NDUFAF6: variants seen among roughly 807,000 people sequenced by gnomAD.
NDUFAF6 encodes the protein NADH:ubiquinone oxidoreductase complex assembly factor 6.
In NDUFAF6, 45 loss-of-function variants were observed where a neutral mutation model predicts 40.8. The observed-to-expected ratio is 1.10, with a 90% CI of 0.87 to 1.42. The LOEUF is 1.42. Among genes scored for constraint, NDUFAF6 ranks in the 40% most tolerant of loss-of-function variants. The pLI is 0.00. For missense variants in NDUFAF6, 435 were observed against 418.5 expected (o/e 1.04, Z -0.34); for synonymous variants, 185 against 155.9 (o/e 1.19, Z -1.39).
At chr8:95,032,362 G>T (rs1475734973) in intron 2 of NDUFAF6, among the ~76,000 whole-genome samples, 1 of 152,086 alleles carries the variant, frequency 6.6e-6, no homozygotes, top group Non-Finnish European at 1.5e-5. Flanking sequence ...CATTAACATT[G>T]CACATTTGTC....
rs189019349 is a variant in NDUFAF6, at chr8:95,028,506, A to T, written c.197+3301A>T. Among the ~76,000 whole-genome samples, 449 of 152,324 alleles carry T rather than the reference A, an allele frequency of 2.9e-3. 3 individuals carry two copies. The highest frequency in any genetic ancestry group is 4.0e-3 in the Non-Finnish European group (275 of 68,032). On this transcript the variant is annotated intron_variant, in intron 1 of 8. Coordinates refer to ENST00000396124, the MANE Select transcript of NDUFAF6 (RefSeq NM_152416.4). ...GGTAATATTGTTTAGAAAAATTTCC[A>T]TCCAAAATTTAAAAATATATTTAAT...
intron 9 of NDUFAF6, among the ~76,000 whole-genome samples, chr8:95,074,831 G>A (rs559285063): frequency 6.6e-6 from 1 of 152,066 alleles, no homozygotes; most frequent in Non-Finnish European, 1.5e-5. Context: ...TCCTTCCAGC[G>A]ATCCCACCTG....
chr8:95,066,655 CTT>C (rs1433769695), intron 9 of NDUFAF6, among the ~76,000 whole-genome samples: 1 of 152,074 alleles, frequency 6.6e-6, no homozygotes, highest in Admixed American at 6.6e-5. Context: ...GGCATTTTCT[CTT>C]TTTGGTTTCC....
At chr8:94,931,376 G>A (rs970963872) in intron 1 of NDUFAF6, among the ~76,000 whole-genome samples, 5 of 151,978 alleles carry the variant, frequency 3.3e-5, no homozygotes, top group African/African-American at 9.7e-5. Flanking sequence ...GTATTTACAT[G>A]GCAATATAAG....
chr8:94,944,100 T>C (rs1821788140), intron 1 of NDUFAF6, among the ~76,000 whole-genome samples: 2 of 152,252 alleles, frequency 1.3e-5, no homozygotes, highest in African/African-American at 4.8e-5. Flanking sequence ...TGGAGGCAGA[T>C]ATTGGCCCCA....
intron 8 of NDUFAF6, among the ~76,000 whole-genome samples, chr8:95,056,501 C>G (rs1358193553): frequency 2.0e-5 from 3 of 152,130 alleles, no homozygotes; most frequent in Non-Finnish European, 4.4e-5. Context: ...GCGTGAGCCA[C>G]CACGCGTGGT....
At chr8:95,105,902 C>T (rs1444527260), downstream of NDUFAF6, among the ~76,000 whole-genome samples, 11 of 152,250 alleles carry the variant, frequency 7.2e-5, no homozygotes, top group Admixed American at 5.9e-4. Context: ...TCCTGAAGTG[C>T]GGGGATTACA....
intron 1 of NDUFAF6, among the ~76,000 whole-genome samples, chr8:94,974,337 C>T (rs537262874): frequency 6.6e-6 from 1 of 151,854 alleles, no homozygotes; most frequent in Non-Finnish European, 1.5e-5. Context: ...TGGCTTCCTG[C>T]GAGGGAGGAC....
chr8:94,968,235 C>T (rs913451678), intron 1 of NDUFAF6, among the ~76,000 whole-genome samples: 5 of 152,132 alleles, frequency 3.3e-5, no homozygotes, highest in African/African-American at 1.2e-4. Flanking sequence ...GTCCAGGCCA[C>T]GCTGAAGGGG....
upstream of NDUFAF6, among the ~76,000 whole-genome samples, chr8:94,954,837 A>G (rs1822938896): frequency 1.3e-5 from 2 of 152,180 alleles, no homozygotes; most frequent in South Asian, 4.1e-4. Flanking sequence ...CTTTTCCAAC[A>G]CTTCCAGAAA....
chr8:95,029,188 G>C (rs138063211), intron 1 of NDUFAF6, among the ~76,000 whole-genome samples: 3 of 152,272 alleles, frequency 2.0e-5, no homozygotes, highest in African/African-American at 7.2e-5. Context: ...ATTAAATATT[G>C]TTTTATAAGA....
chr8:95,116,890 T>C (rs1252400560), downstream of NDUFAF6, among the ~76,000 whole-genome samples: 1 of 152,216 alleles, frequency 6.6e-6, no homozygotes. Context: ...AAGGATCTTG[T>C]TTCTTTTCCT....
At chr8:95,099,862 G>A (rs1441026345), upstream of NDUFAF6, among the ~76,000 whole-genome samples, 1 of 152,104 alleles carries the variant, frequency 6.6e-6, no homozygotes. Context: ...CTATAATACG[G>A]CATCTGCAAG....
intron 9 of NDUFAF6, chr8:95,072,104 A>G (rs1832885457): frequency 1.3e-5 from 2 of 152,006 alleles, no homozygotes; most frequent in East Asian, 3.9e-4. Context: ...CTTCGCATAA[A>G]CCTCAGGACC....
chr8:95,109,443 T>C (rs911464772), intron 4 of NDUFAF6, among the ~76,000 whole-genome samples: 1 of 152,218 alleles, frequency 6.6e-6, no homozygotes, highest in Admixed American at 6.5e-5. Flanking sequence ...CTTCTTCCCA[T>C]GCAGGCTGTT....
chr8:94,922,280 A>G (rs626338), intron 1 of NDUFAF6, among the ~76,000 whole-genome samples: 8 of 150,664 alleles, frequency 5.3e-5, no homozygotes, highest in South Asian at 2.1e-4. Flanking sequence ...AAAGTGCTGG[A>G]ATTACAGGCA....
rs181732157 is a variant in NDUFAF6, at chr8:95,102,850, T to C, written n.231-126T>C. The C allele has an allele frequency of 5.9e-5, 9 of 152,184 alleles. No individual in the cohort carries two copies. In the East Asian group the frequency reaches 1.7e-3, roughly 29 times the overall value. The allele number at this position is 152,184 out of a possible 1,614,324, so 9.4% of individuals were successfully genotyped here. A position where few individuals can be genotyped will look rare whatever the true frequency, so the allele number is the denominator to read the frequency against. ...TGAAAAAGTTTAATAACATGACAAA[T>C]AGTAAAAAAATACTTTGGGGCCCAG... On this transcript the variant is annotated intron_variant and non_coding_transcript_variant, in intron 2 of 2. Coordinates refer to the NDUFAF6 transcript ENST00000521063.
chr8:95,051,222 C>G (rs2131940064), intron 7 of NDUFAF6, among the ~76,000 whole-genome samples: 1 of 152,178 alleles, frequency 6.6e-6, no homozygotes, highest in African/African-American at 2.4e-5. Context: ...AGGCCCACTT[C>G]TGTTTACAAG....
At chr8:95,061,874 T>C (rs1832579783), downstream of NDUFAF6, among the ~76,000 whole-genome samples, 4 of 152,224 alleles carry the variant, frequency 2.6e-5, no homozygotes, top group South Asian at 8.3e-4. Context: ...TTTAAGAGTG[T>C]GGGCTGGGCG....
Sources: allele counts gnomAD v4.1 joint callset (sites outside exome capture counted in the v4.1 genomes callset), GRCh38; gene constraint gnomAD v4.1.1; transcripts MANE v1.5; gene names NCBI Gene and HGNC (gene_info 2026-07-23, HGNC 2026-07-21).